The following IGLON5 variants were observed in gnomAD, a reference collection of about 807,000 sequenced individuals.
The protein encoded by IGLON5 is IgLON family member 5.
In IGLON5, 16 loss-of-function variants were observed where a neutral mutation model predicts 38.2. The observed-to-expected ratio is 0.42, with a 90% CI of 0.28 to 0.64. IGLON5 has a LOEUF of 0.64. IGLON5 is among the 30% of genes least tolerant of loss of function. The probability of loss-of-function intolerance (pLI) is 0.23; values close to 1 mark genes in which losing one functional copy is unlikely to be tolerated. For missense variants in IGLON5, 366 were observed against 483.4 expected, an observed-to-expected ratio of 0.76 and a Z score of 2.28; for synonymous variants, 207 against 216.4, an observed-to-expected ratio of 0.96 and a Z score of 0.38.
chr19:51,327,213 C>T lies in IGLON5; in HGVS notation c.767+13C>T, dbSNP rs1190557689. 6 of 1,602,660 alleles carry T rather than the reference C, an allele frequency of 3.7e-6. No individual in the cohort carries two copies. Among genetic ancestry groups the T allele is most frequent in the Admixed American group, 1.7e-5 (1 of 59,314 alleles). ...AGGATGACAGACTGTGAGGACAGCACTGAGGGGGCCGTGGGAGCGGGAAGG... is the reference window on the plus strand; with the variant it reads ...AGGATGACAGACTGTGAGGACAGCATTGAGGGGGCCGTGGGAGCGGGAAGG... On this transcript the variant is annotated intron_variant, in intron 6 of 7. Transcript: ENST00000270642. This position sits in a 1 kb window ranked among gnomAD's most constrained non-coding sequence, Gnocchi z 7.1.
Position 51,327,646 on chromosome 19 carries a change from G to C in IGLON5, c.768-86G>C. The C allele has an allele frequency of 6.6e-7, 1 of 1,519,020 alleles. No individual in the cohort carries two copies. Among genetic ancestry groups the C allele is most frequent in the Non-Finnish European group, 8.8e-7 (1 of 1,137,186 alleles). The allele number at this position is 1,519,020 out of a possible 1,614,324, so 94.1% of individuals were successfully genotyped here. A position where few individuals can be genotyped will look rare whatever the true frequency, so the allele number is the denominator to read the frequency against. On this transcript the variant is annotated intron_variant, in intron 6 of 7. Transcript: ENST00000270642. This position sits in a 1 kb window ranked among gnomAD's most constrained non-coding sequence, Gnocchi z 7.1. The stretch of plus-strand genomic sequence containing the variant: ...ACTGGGGTAGGGGGCAGAATGCTGG[G>C]TCACCGGGGAACGGAGGAGCCTGAG...
chr19:51,325,462 C>T lies in IGLON5; in HGVS notation c.508C>T (p.Arg170Ter), dbSNP rs1291618278. Reference protein sequence around the residue: ...PEPTVTWRQLRDGFTSEGEIL... With the variant: ...PEPTVTWRQL ...GCCCACGGTCACCTGGAGACAGCTC[C>T]GAGGTGAGGACCCCATCCCAGGTCA... Residue 170 changes from arginine to a stop codon, truncating the protein, a stop_gained, in exon 4 of 8, where the codon CGA (arginine) becomes TGA (stop). Coordinates refer to ENST00000270642, the MANE Select transcript of IGLON5 (RefSeq NM_001101372.3). LOFTEE classifies it high-confidence loss of function. The surrounding 1 kb of genome is among the most constrained non-coding windows in gnomAD (Gnocchi z 5.5). 1 of 1,611,370 alleles carries T rather than the reference C, an allele frequency of 6.2e-7. No individual in the cohort carries two copies. The highest frequency in any genetic ancestry group is 8.5e-7 in the Non-Finnish European group (1 of 1,178,588).
chr19:51,328,850 G>A lies in IGLON5; in HGVS notation c.*91G>A, dbSNP rs1323211009. 3 of 834,384 alleles carry A rather than the reference G, an allele frequency of 3.6e-6. No individual in the cohort carries two copies. Among genetic ancestry groups the A allele is most frequent in the Non-Finnish European group, 5.5e-6 (3 of 548,818 alleles). The allele number at this position is 834,384 out of a possible 1,614,324, so 51.7% of individuals were successfully genotyped here. Reference sequence around the variant, plus strand: ...GAGCAAGAGCCGTGGGTCTCGTGGGGGCAGAAGAGCTCTCGGCCACCAAGG... The same window carrying A: ...GAGCAAGAGCCGTGGGTCTCGTGGGAGCAGAAGAGCTCTCGGCCACCAAGG... On this transcript the variant is annotated 3_prime_UTR_variant, in exon 8 of 8. Transcript: ENST00000270642.
Position 51,323,725 on chromosome 19 carries a change from C to T in IGLON5, c.222C>T (p.Ala74=), listed in dbSNP as rs771248725. The T allele has an allele frequency of 4.2e-5, 67 of 1,613,842 alleles. No homozygotes were observed. Among genetic ancestry groups the T allele is most frequent in the Middle Eastern group, 1.6e-4 (1 of 6,084 alleles). The change falls in exon 3 of 8, where the codon GCC becomes GCT. Residue 74 remains alanine (A), a synonymous_variant. Transcript: ENST00000270642. ...TGAACCGCTCCAACATCCTGTATGC[C>T]GGCAATGACCGCTGGACCAGCGACC... ...AWLNRSNILY[A]GNDRWTSDPR... is the part of the protein sequence containing the mutation.
chr19:51,313,091 C>A (rs1381161076), intron 1 of IGLON5, among the ~76,000 whole-genome samples: 1 of 152,174 alleles, frequency 6.6e-6, no homozygotes, highest in Non-Finnish European at 1.5e-5. Flanking sequence ...GGCACAGAAA[C>A]CCCGTCACAG....
At chr19:51,318,924 C>G (rs1193796360) in intron 1 of IGLON5, among the ~76,000 whole-genome samples, 1 of 152,176 alleles carries the variant, frequency 6.6e-6, no homozygotes, top group Non-Finnish European at 1.5e-5. Context: ...GACAATGGCT[C>G]TCAACGGGGA....
In IGLON5 at chr19:51,326,899, G is replaced by A. The variant is rs1985230206; in HGVS notation, c.646+1G>A. The A allele has an allele frequency of 6.4e-7, 1 of 1,569,712 alleles. No individual in the cohort carries two copies. Among genetic ancestry groups the A allele is most frequent in the Admixed American group, 1.9e-5 (1 of 53,190 alleles). On this transcript the variant is annotated splice_donor_variant, in intron 5 of 7. Transcript: ENST00000270642. LOFTEE classifies it high-confidence loss of function. ...CGCCGCGTGCTGGTCACAGTCAACT[G>A]TGAGCCCCCCTGGCACTGGGCACGA...
chr19:51,326,967 G>A (rs1377760606), intron 5 of IGLON5, 69 bp downstream of exon 5: 1 of 1,574,850 alleles, frequency 6.3e-7, no homozygotes, highest in Non-Finnish European at 8.6e-7. Context: ...AGGGATCTGG[G>A]GGAAGAGGAA....
chr19:51,315,153 C>CA (rs11410864), intron 1 of IGLON5, among the ~76,000 whole-genome samples: 152,330 of 152,330 alleles, frequency 1, 76,165 homozygotes, highest in Non-Finnish European at 1. Context: ...TATTTATTTA[C>CA]AAAGCAGCTA....
At chr19:51,314,591 C>T (rs1874393974) in intron 1 of IGLON5, among the ~76,000 whole-genome samples, 1 of 152,128 alleles carries the variant, frequency 6.6e-6, no homozygotes, top group African/African-American at 2.4e-5. Context: ...CTTTTCCCAT[C>T]TCTGGTCTTA....
rs1178781976 is a variant in IGLON5, at chr19:51,327,795, C to T, written c.831C>T (p.Leu277=). The T allele has an allele frequency of 3.8e-6, 6 of 1,569,510 alleles. No individual in the cohort carries two copies. The highest frequency in any genetic ancestry group is 4.6e-4 in the Middle Eastern group (2 of 4,386). Residue 277 remains leucine, a synonymous_variant, in exon 7 of 8, where the codon CTC becomes CTT. Coordinates refer to ENST00000270642, the MANE Select transcript of IGLON5 (RefSeq NM_001101372.3). The surrounding 1 kb of genome is among the most constrained non-coding windows in gnomAD (Gnocchi z 7.1). ...VQTERTRSML[L]FANVSARHYG... ...CGGAGCGCACCCGCTCGATGCTTCTCTTTGCCAACGTGAGCGCCCGGCATT... is the reference window on the plus strand; with the variant it reads ...CGGAGCGCACCCGCTCGATGCTTCTTTTTGCCAACGTGAGCGCCCGGCATT...
intron 1 of IGLON5, among the ~76,000 whole-genome samples, chr19:51,314,386 G>A (rs1406372179): frequency 7.9e-5 from 12 of 152,038 alleles, no homozygotes; most frequent in Non-Finnish European, 1.6e-4. Context: ...GTTTCACCAT[G>A]TTGGCCAGGC....
In IGLON5 at chr19:51,312,904, G is replaced by C. The variant is rs537708581; in HGVS notation, c.79+978G>C. On this transcript the variant is annotated intron_variant, in intron 1 of 7. Transcript: ENST00000270642. The stretch of plus-strand genomic sequence containing the variant: ...TTTCCCCCTAAGAAAAGGGAGGAGA[G>C]TGCAAGGAGGCAGGAGGCTGGAGGG... Among the ~76,000 whole-genome samples the C allele has an allele frequency of 5.3e-5, 8 of 151,870 alleles. No individual in the cohort carries two copies. In the East Asian group the frequency reaches 1.5e-3, roughly 29 times the overall value.
At chr19:51,315,343 C>T (rs1984891861) in intron 1 of IGLON5, among the ~76,000 whole-genome samples, 1 of 152,182 alleles carries the variant, frequency 6.6e-6, no homozygotes, top group East Asian at 1.9e-4. Context: ...CCCAGGACCT[C>T]TGAGCTCCAG....
At chr19:51,323,144 AT>A (rs1985118480) in intron 2 of IGLON5, among the ~76,000 whole-genome samples, 1 of 85,260 alleles carries the variant, frequency 1.2e-5, no homozygotes, top group Non-Finnish European at 2.3e-5. Flanking sequence ...CTGGGTCTCT[AT>A]CCCCCTCTCC....
chr19:51,327,021 G>A lies in IGLON5; in HGVS notation c.647-59G>A. 1 of 1,598,666 alleles carries A rather than the reference G, an allele frequency of 6.3e-7. No individual in the cohort carries two copies. Among genetic ancestry groups the A allele is most frequent in the South Asian group, 1.1e-5 (1 of 90,292 alleles). ...GGCCTGAGGGAGGCGGGGGCTGGGG[G>A]CGGGACCCCTTCGTCCCCACGCGGC... On this transcript the variant is annotated intron_variant, in intron 5 of 7. Transcript: ENST00000270642. This position sits in a 1 kb window ranked among gnomAD's most constrained non-coding sequence, Gnocchi z 7.1.
chr19:51,318,366 G>C (rs905165177), intron 1 of IGLON5, among the ~76,000 whole-genome samples: 4 of 152,176 alleles, frequency 2.6e-5, no homozygotes, highest in African/African-American at 9.7e-5. Flanking sequence ...GATACAGACA[G>C]TCATCAGAGT....
At chr19:51,313,048 G>A (rs1214920962) in intron 1 of IGLON5, among the ~76,000 whole-genome samples, 2 of 152,164 alleles carry the variant, frequency 1.3e-5, no homozygotes, top group Non-Finnish European at 2.9e-5. Context: ...GTCCCCAAGA[G>A]TCTCAGAGAG....
chr19:51,324,784 G>A lies in IGLON5; in HGVS notation c.392-562G>A, dbSNP rs1417320715. ...CGAGGGCCATCCTGCTTGGAGAAAT[G>A]TTCAAATGGGAGAGGGGAGTGGAAA... On this transcript the variant is annotated intron_variant, in intron 3 of 7. Transcript: ENST00000270642. This position sits in a 1 kb window ranked among gnomAD's most constrained non-coding sequence, Gnocchi z 4.2. Among the ~76,000 whole-genome samples, 1 of 151,018 alleles carries A rather than the reference G, an allele frequency of 6.6e-6. No individual in the cohort carries two copies. Among genetic ancestry groups the A allele is most frequent in the Non-Finnish European group, 1.5e-5 (1 of 67,938 alleles).
Sources: allele counts gnomAD v4.1 joint callset (sites outside exome capture counted in the v4.1 genomes callset), GRCh38; gene constraint gnomAD v4.1.1; non-coding constraint Gnocchi (gnomAD v3.1); transcripts MANE v1.5; gene names NCBI Gene and HGNC (gene_info 2026-07-23, HGNC 2026-07-21).